The following ASXL2 variants were observed in gnomAD, a reference collection of about 807,000 sequenced individuals.
ASXL2 encodes putative Polycomb group protein ASXL2.
A neutral mutation model predicts 122.0 loss-of-function variants in ASXL2; 23 were observed. The observed-to-expected ratio is 0.19, with a 90% CI of 0.14 to 0.27. ASXL2 has a LOEUF of 0.27. Among genes scored for constraint, ASXL2 ranks in the 10% least tolerant of loss-of-function variants. ASXL2 has a pLI of 1.00. For synonymous variants in ASXL2, 650 were observed against 637.0 expected (o/e 1.02, Z -0.31); for missense variants, 1,518 against 1,713.8 (o/e 0.89, Z 2.02).
chr2:25,878,212 T>A lies in ASXL2; in HGVS notation c.11A>T (p.Lys4Met). ...GGTCCTGCCCTTCTTCCTACGTCCC[T>A]TTTCCCTCATGTCGGGTCTTGAACT... MRE[K>M]GRRKKGRTWA... Residue 4 changes from lysine (K) to methionine (M), a missense_variant, in exon 1 of 13, where the codon AAG becomes ATG. Lys to Met is a moderately conservative substitution (Grantham distance 95, BLOSUM62 -1). This residue lies in a region of ASXL2 where 28 missense variants were observed against 42.2 expected (regional missense o/e 0.66). Transcript: ENST00000435504. The A allele has an allele frequency of 1.2e-6, 2 of 1,613,554 alleles. No individual in the cohort carries two copies. Among genetic ancestry groups the A allele is most frequent in the Non-Finnish European group, 1.7e-6 (2 of 1,179,696 alleles).
At chr2:25,845,173 T>C (rs2089634862) in intron 2 of ASXL2, 2 of 320,378 alleles carry the variant, frequency 6.2e-6, no homozygotes, top group Non-Finnish European at 1.2e-5. Context: ...ATGACCAAGT[T>C]TATTAAATCA....
chr2:25,853,576 T>C (rs1012295910), intron 1 of ASXL2, among the ~76,000 whole-genome samples: 14 of 152,180 alleles, frequency 9.2e-5, no homozygotes, highest in Admixed American at 5.2e-4. Context: ...GCTTCAAAAA[T>C]AGCCATGCTC....
intron 5 of ASXL2, among the ~76,000 whole-genome samples, chr2:25,791,487 C>CA (rs757850341): frequency 1.4e-3 from 175 of 121,550 alleles, no homozygotes; most frequent in Middle Eastern, 8.9e-3. Flanking sequence ...GACTCCGTCT[C>CA]AAAAAAAAAA....
intron 5 of ASXL2, among the ~76,000 whole-genome samples, chr2:25,786,457 T>A (rs1574416160): frequency 6.6e-6 from 1 of 152,048 alleles, no homozygotes; most frequent in East Asian, 1.9e-4. Flanking sequence ...GCCAGGATGG[T>A]CTCGATCTCC....
intron 3 of ASXL2, among the ~76,000 whole-genome samples, chr2:25,814,307 G>C (rs1405313752): frequency 6.6e-6 from 1 of 152,098 alleles, no homozygotes; most frequent in Non-Finnish European, 1.5e-5. Flanking sequence ...ATGATGGCTG[G>C]AATATATCCT....
At chr2:25,848,637 CAAAT>C (rs1160344275) in intron 1 of ASXL2, among the ~76,000 whole-genome samples, 3 of 151,694 alleles carry the variant, frequency 2.0e-5, no homozygotes, top group East Asian at 3.9e-4. Flanking sequence ...AATAAACAAA[CAAAT>C]AAATAAATAA....
At chr2:25,861,322 A>T (rs2089841307) in intron 1 of ASXL2, among the ~76,000 whole-genome samples, 1 of 152,198 alleles carries the variant, frequency 6.6e-6, no homozygotes, top group Non-Finnish European at 1.5e-5. Flanking sequence ...GAAAAAATAA[A>T]GAAATCTTGA....
chr2:25,786,321 A>ACCTCCG (rs2088745719), intron 5 of ASXL2, among the ~76,000 whole-genome samples: 1 of 134,304 alleles, frequency 7.4e-6, no homozygotes, highest in African/African-American at 2.9e-5. Flanking sequence ...GCTCACTGGA[A>ACCTCCG]CCTCCGCCTC....
intron 3 of ASXL2, among the ~76,000 whole-genome samples, chr2:25,833,336 T>C (rs1241612142): frequency 6.6e-6 from 1 of 152,204 alleles, no homozygotes; most frequent in Non-Finnish European, 1.5e-5. Flanking sequence ...TAATTTTCTA[T>C]AGTGAGCAAT....
intron 1 of ASXL2, among the ~76,000 whole-genome samples, chr2:25,867,538 A>G (rs923017454): frequency 6.6e-6 from 1 of 152,212 alleles, no homozygotes; most frequent in African/African-American, 2.4e-5. Context: ...GAAAGACGAC[A>G]AAAGAAAGTT....
chr2:25,783,927 G>A (rs2088691963), intron 5 of ASXL2, among the ~76,000 whole-genome samples: 1 of 152,068 alleles, frequency 6.6e-6, no homozygotes. Flanking sequence ...GGTGGCACAT[G>A]CCTGTAATCC....
intron 1 of ASXL2, among the ~76,000 whole-genome samples, chr2:25,857,722 TCCC>T (rs1029295423): frequency 2.6e-5 from 4 of 152,168 alleles, no homozygotes; most frequent in African/African-American, 9.7e-5. Flanking sequence ...AGCCCAGCAT[TCCC>T]CAGTCATCCA....
chr2:25,862,097 CCTAA>C (rs913071663), intron 1 of ASXL2, among the ~76,000 whole-genome samples: 18 of 152,196 alleles, frequency 1.2e-4, no homozygotes, highest in African/African-American at 3.1e-4. Flanking sequence ...TACACATTCT[CCTAA>C]CTAAATTTTA....
At chr2:25,837,407 T>C (rs2089524601) in intron 2 of ASXL2, among the ~76,000 whole-genome samples, 1 of 152,242 alleles carries the variant, frequency 6.6e-6, no homozygotes, top group Admixed American at 6.5e-5. Flanking sequence ...CAAGTTCTTA[T>C]CTGTTAGATA....
At chr2:25,870,394 G>A (rs112162345) in intron 1 of ASXL2, among the ~76,000 whole-genome samples, 19 of 152,160 alleles carry the variant, frequency 1.2e-4, no homozygotes, top group African/African-American at 3.9e-4. Flanking sequence ...ATGGTGGTGC[G>A]TGCCTGTAGT....
At position 25,790,616 on chromosome 2, in the gene ASXL2, C is replaced by T. The variant is rs141568833; in HGVS notation, c.403+8769G>A. ...ATCCTACACCAAGGAAGTATTCTAC[C>T]TACAACAAATGGTTTTCAAAAGCAA... is the stretch of plus-strand genomic sequence containing the variant. On this transcript the variant is annotated intron_variant, in intron 5 of 12. Coordinates refer to ENST00000435504, the MANE Select transcript of ASXL2 (RefSeq NM_018263.6). 5.9e-5 allele frequency among the ~76,000 whole-genome samples: 9 copies of T among 151,950 alleles called. No individual in the cohort carries two copies. In the East Asian group the frequency reaches 1.7e-3, roughly 29 times the overall value.
chr2:25,874,745 G>C (rs771863373), intron 1 of ASXL2, among the ~76,000 whole-genome samples: 1 of 152,014 alleles, frequency 6.6e-6, no homozygotes, highest in East Asian at 1.9e-4. Context: ...TTTGTCTCTC[G>C]CTCAAATCAT....
intron 2 of ASXL2, among the ~76,000 whole-genome samples, chr2:25,844,385 A>T (rs1427870742): frequency 6.6e-6 from 1 of 152,132 alleles, no homozygotes; most frequent in East Asian, 1.9e-4. Context: ...GTCTGAGAAC[A>T]GCCTGGGCAA....
At chr2:25,806,597 A>C (rs2089085526) in intron 3 of ASXL2, among the ~76,000 whole-genome samples, 1 of 152,240 alleles carries the variant, frequency 6.6e-6, no homozygotes, top group South Asian at 2.1e-4. Context: ...AAAAATACAG[A>C]AGTATTACAA....
Sources: allele counts gnomAD v4.1 joint callset (sites outside exome capture counted in the v4.1 genomes callset), GRCh38; gene constraint gnomAD v4.1.1; regional missense constraint gnomAD v4.1.1; transcripts MANE v1.5; gene names NCBI Gene and HGNC (gene_info 2026-07-23, HGNC 2026-07-21).